The following MAML3 variants were observed in gnomAD, a reference collection of about 807,000 sequenced individuals.
MAML3 encodes the protein mastermind-like protein 3.
MAML3 carries 27 observed loss-of-function variants against 101.9 expected under a neutral mutation model. The ratio of observed to expected loss-of-function variants is 0.27; its 90% CI spans 0.20 to 0.37. The LOEUF (loss-of-function observed/expected upper bound fraction) is 0.37, where lower values mean the gene tolerates loss of function less well. Ranked by LOEUF, MAML3 falls within the 10% of genes least tolerant of loss-of-function variation. The pLI, the probability that MAML3 is intolerant of heterozygous loss-of-function variation, is 1.00. For missense variants in MAML3, 1,316 were observed against 1,444.9 expected, an observed-to-expected ratio of 0.91 and a Z score of 1.45; for synonymous variants, 501 against 555.9, an observed-to-expected ratio of 0.90 and a Z score of 1.39.
intron 2 of MAML3, among the ~76,000 whole-genome samples, chr4:139,835,311 G>A (rs530465086): frequency 2.0e-5 from 3 of 152,326 alleles, no homozygotes; most frequent in South Asian, 4.1e-4. Flanking sequence ...GCCTCAGGGC[G>A]CCTGATATTA....
At chr4:139,863,693 G>A (rs1731831184) in intron 2 of MAML3, among the ~76,000 whole-genome samples, 1 of 152,130 alleles carries the variant, frequency 6.6e-6, no homozygotes, top group Non-Finnish European at 1.5e-5. Context: ...CTCTCAAAAG[G>A]AAGATGAAAG....
chr4:139,829,036 C>A (rs1731116414), intron 2 of MAML3, among the ~76,000 whole-genome samples: 2 of 76,170 alleles, frequency 2.6e-5, no homozygotes, highest in East Asian at 3.4e-4. Flanking sequence ...GACGGACGGA[C>A]TAAGGGAGGG....
intron 1 of MAML3, among the ~76,000 whole-genome samples, chr4:140,062,610 C>T (rs745363982): frequency 6.6e-6 from 1 of 152,154 alleles, no homozygotes; most frequent in Non-Finnish European, 1.5e-5. Context: ...CAGGTAGCTG[C>T]CTTTGTTAGT....
chr4:139,732,965 A>T (rs967606132), intron 2 of MAML3, among the ~76,000 whole-genome samples: 1 of 152,262 alleles, frequency 6.6e-6, no homozygotes, highest in African/African-American at 2.4e-5. Flanking sequence ...ACACTAAAAA[A>T]TGCCAGGAAC....
At chr4:139,898,733 T>C (rs960241136) in intron 1 of MAML3, among the ~76,000 whole-genome samples, 1 of 152,236 alleles carries the variant, frequency 6.6e-6, no homozygotes, top group African/African-American at 2.4e-5. Context: ...AATTATCACA[T>C]GCTTATTCTC....
intron 2 of MAML3, among the ~76,000 whole-genome samples, chr4:139,870,316 C>G (rs1408936062): frequency 6.6e-6 from 1 of 152,136 alleles, no homozygotes; most frequent in Admixed American, 6.5e-5. Flanking sequence ...TACCCCTGGC[C>G]CCCAAGTTGT....
intron 1 of MAML3, among the ~76,000 whole-genome samples, chr4:139,926,218 A>T (rs1415943321): frequency 6.6e-6 from 1 of 152,226 alleles, no homozygotes; most frequent in African/African-American, 2.4e-5. Context: ...AAGGCATGGA[A>T]AGAAGTCATG....
intron 2 of MAML3, among the ~76,000 whole-genome samples, chr4:139,801,643 G>GGT (rs755484864): frequency 0.05 from 1,546 of 30,712 alleles, 10 homozygotes; most frequent in East Asian, 0.24. Context: ...GGTGTGTGTG[G>GGT]GTGTGTGTGT....
intron 2 of MAML3, among the ~76,000 whole-genome samples, chr4:139,756,619 GAC>G (rs1308060944): frequency 6.6e-6 from 1 of 152,196 alleles, no homozygotes; most frequent in Admixed American, 6.5e-5. Flanking sequence ...TTCTGGAAAT[GAC>G]TTGGTTGTGG....
intron 1 of MAML3, among the ~76,000 whole-genome samples, chr4:140,030,080 CTCTTTGCCCA>C (rs995018577): frequency 6.6e-5 from 10 of 152,162 alleles, no homozygotes; most frequent in African/African-American, 2.4e-4. Flanking sequence ...TCACACATTT[CTCTTTGCCCA>C]TCCTGGTTTC....
intron 1 of MAML3, among the ~76,000 whole-genome samples, chr4:140,135,093 C>A (rs560698988): frequency 1.3e-5 from 2 of 152,210 alleles, no homozygotes; most frequent in African/African-American, 2.4e-5. Context: ...GGAGCACACT[C>A]ACAGGGCAGC....
In MAML3 at chr4:140,147,111, G is replaced by A. The variant is rs980425409; in HGVS notation, c.468+5749C>T. ...TTGCATCACTTCACTCCAGCCTGAC[G>A]GCAGAGTGAGACTCCATCTCAAAAA... On this transcript the variant is annotated intron_variant, in intron 1 of 4. Transcript: ENST00000509479. Among the ~76,000 whole-genome samples the A allele has an allele frequency of 5.5e-5, 7 of 127,570 alleles. No individual in the cohort carries two copies. The East Asian group carries it at 9.0e-4, about 16-fold the overall frequency. The allele number at this position is 127,570 out of a possible 152,430, so 83.7% of individuals were successfully genotyped here. A position where few individuals can be genotyped will look rare whatever the true frequency, so the allele number is the denominator to read the frequency against.
chr4:139,958,955 T>C (rs769675), intron 1 of MAML3, among the ~76,000 whole-genome samples: 56,812 of 152,026 alleles, frequency 0.37, 11,704 homozygotes, highest in African/African-American at 0.55. Context: ...TTTTTCTTGC[T>C]ACCAGTGGCA....
chr4:140,126,018 C>T (rs147898004), intron 1 of MAML3, among the ~76,000 whole-genome samples: 2,749 of 152,178 alleles, frequency 0.018, 77 homozygotes, highest in African/African-American at 0.062. Flanking sequence ...CCTCGTGATC[C>T]ACCCGCCTTG....
At position 140,152,962 on chromosome 4, in the gene MAML3, G is replaced by C; in HGVS notation, c.366C>G (p.Ala122=). Residue 122 remains alanine (A), a synonymous_variant, in exon 1 of 5, where the codon GCC becomes GCG. Transcript: ENST00000509479. ...SLYQRTLEQR[A]KKSGAGTGKQ... Reference sequence around the variant, plus strand: ...TGCCGGTGCCGGCGCCCGATTTCTTGGCCCTCTGCTCCAGGGTCCGCTGGT... The same window carrying C: ...TGCCGGTGCCGGCGCCCGATTTCTTCGCCCTCTGCTCCAGGGTCCGCTGGT... The C allele has an allele frequency of 1.9e-6, 3 of 1,611,908 alleles. No individual in the cohort carries two copies. Among genetic ancestry groups the C allele is most frequent in the Non-Finnish European group, 2.5e-6 (3 of 1,179,230 alleles).
chr4:140,142,258 T>C (rs184642576), intron 1 of MAML3, among the ~76,000 whole-genome samples: 3 of 152,294 alleles, frequency 2.0e-5, no homozygotes, highest in Non-Finnish European at 2.9e-5. Flanking sequence ...ATAATATATA[T>C]GTAAGTGAAC....
At chr4:140,143,629 C>T (rs1393788167) in intron 1 of MAML3, among the ~76,000 whole-genome samples, 4 of 152,066 alleles carry the variant, frequency 2.6e-5, no homozygotes, top group Admixed American at 2.0e-4. Context: ...GGCGTGGTGG[C>T]GGGTGCCTGT....
chr4:140,072,541 G>A (rs1405568888), intron 1 of MAML3, among the ~76,000 whole-genome samples: 1 of 151,868 alleles, frequency 6.6e-6, no homozygotes, highest in Non-Finnish European at 1.5e-5. Context: ...ATGGTGGCGC[G>A]TGCCTGTAAT....
intron 4 of MAML3, 74 bp downstream of exon 4, chr4:139,725,677 A>G: frequency 7.1e-7 from 1 of 1,409,300 alleles, no homozygotes; most frequent in Non-Finnish European, 1.0e-6. Flanking sequence ...CAGTAAGGCA[A>G]TGCCTCTGGC....
Sources: allele counts gnomAD v4.1 joint callset (sites outside exome capture counted in the v4.1 genomes callset), GRCh38; gene constraint gnomAD v4.1.1; transcripts MANE v1.5; gene names NCBI Gene and HGNC (gene_info 2026-07-23, HGNC 2026-07-21).